BRINP1: variants seen among roughly 807,000 people sequenced by gnomAD.
BRINP1 encodes BMP/retinoic acid inducible neural specific 1.
BRINP1 carries 17 observed loss-of-function variants against 72.9 expected under a neutral mutation model. The ratio of observed to expected loss-of-function variants is 0.23; its 90% CI spans 0.16 to 0.35. The LOEUF (loss-of-function observed/expected upper bound fraction) is 0.35, where lower values mean the gene tolerates loss of function less well. BRINP1 is among the 10% of genes least tolerant of loss of function. The pLI, the probability that BRINP1 is intolerant of heterozygous loss-of-function variation, is 1.00. For synonymous variants in BRINP1, 418 were observed against 378.5 expected (o/e 1.10, Z -1.21); for missense variants, 850 against 1,001.6 (o/e 0.85, Z 2.04).
At chr9:119,212,105 A>G (rs1203852196) in intron 6 of BRINP1, among the ~76,000 whole-genome samples, 1 of 152,026 alleles carries the variant, frequency 6.6e-6, no homozygotes, top group Non-Finnish European at 1.5e-5. Context: ...GTACATTTCC[A>G]TCATGAACTT....
At chr9:119,200,811 C>A (rs931092843) in intron 7 of BRINP1, among the ~76,000 whole-genome samples, 1 of 151,722 alleles carries the variant, frequency 6.6e-6, no homozygotes, top group African/African-American at 2.4e-5. Context: ...AGCCTGAGAT[C>A]TGAAGGGCAG....
At chr9:119,324,542 C>T (rs1361415845) in intron 1 of BRINP1, among the ~76,000 whole-genome samples, 1 of 152,136 alleles carries the variant, frequency 6.6e-6, no homozygotes, top group Non-Finnish European at 1.5e-5. Flanking sequence ...AGCCACCCTA[C>T]AATGCTCAAT....
chr9:119,310,529 A>G (rs1831050769), intron 2 of BRINP1, among the ~76,000 whole-genome samples: 1 of 152,194 alleles, frequency 6.6e-6, no homozygotes, highest in African/African-American at 2.4e-5. Flanking sequence ...GAGAAAGAAG[A>G]TGGCCTTAAC....
chr9:119,293,537 T>A (rs188486397), intron 2 of BRINP1, among the ~76,000 whole-genome samples: 1 of 152,184 alleles, frequency 6.6e-6, no homozygotes, highest in East Asian at 1.9e-4. Flanking sequence ...TTAAAATGAG[T>A]AATGAAAGTC....
chr9:119,169,283 G>A (rs955039937), intron 7 of BRINP1, among the ~76,000 whole-genome samples: 1 of 152,246 alleles, frequency 6.6e-6, no homozygotes, highest in African/African-American at 2.4e-5. Context: ...CACCGTGCGC[G>A]AGCTGAAGCA....
At chr9:119,327,846 T>C (rs181246243) in intron 1 of BRINP1, among the ~76,000 whole-genome samples, 31 of 152,208 alleles carry the variant, frequency 2.0e-4, no homozygotes, top group African/African-American at 7.5e-4. Flanking sequence ...CTTGGATCTG[T>C]TGCATTTGAG....
At chr9:119,359,629 GCTTTCAACCTCTGTA>G (rs1235275797) in intron 1 of BRINP1, among the ~76,000 whole-genome samples, 1 of 152,140 alleles carries the variant, frequency 6.6e-6, no homozygotes, top group African/African-American at 2.4e-5. Flanking sequence ...GCAGACCCAA[GCTTTCAACCTCTGTA>G]CTTTCAAGTC....
At chr9:119,345,295 T>C (rs1199483099) in intron 1 of BRINP1, among the ~76,000 whole-genome samples, 1 of 152,202 alleles carries the variant, frequency 6.6e-6, no homozygotes, top group Non-Finnish European at 1.5e-5. Flanking sequence ...AACTCCCTTG[T>C]GATAAGAAGG....
At chr9:119,329,300 T>G (rs546452286) in intron 1 of BRINP1, among the ~76,000 whole-genome samples, 3 of 152,254 alleles carry the variant, frequency 2.0e-5, no homozygotes, top group Non-Finnish European at 4.4e-5. Context: ...TGAAATCAGG[T>G]GAAAAGTTCT....
chr9:119,319,132 C>G (rs1164781977), intron 1 of BRINP1, among the ~76,000 whole-genome samples: 1 of 152,018 alleles, frequency 6.6e-6, no homozygotes, highest in Non-Finnish European at 1.5e-5. Flanking sequence ...GTTGAGAAAC[C>G]CTGCTCTAAT....
intron 1 of BRINP1, among the ~76,000 whole-genome samples, chr9:119,365,846 C>T (rs1014074573): frequency 6.6e-6 from 1 of 152,016 alleles, no homozygotes; most frequent in African/African-American, 2.4e-5. Context: ...CACAGCTCCC[C>T]CTTCTGGGAG....
At position 119,197,616 on chromosome 9, in the gene BRINP1, A is replaced by G. The variant is rs368645978; in HGVS notation, c.1145+11103T>C. Among the ~76,000 whole-genome samples the G allele has an allele frequency of 8.5e-5, 13 of 152,322 alleles. 1 individual carries two copies. Among genetic ancestry groups the G allele is most frequent in the African/African-American group, 3.1e-4 (13 of 41,580 alleles). ...TCTCATAATTGACCTCCATGAAGTAACTTTGGGAAAATGACTCTTCCTCCC... is the reference window on the plus strand; with the variant it reads ...TCTCATAATTGACCTCCATGAAGTAGCTTTGGGAAAATGACTCTTCCTCCC... On this transcript the variant is annotated intron_variant, in intron 7 of 7. Coordinates refer to ENST00000265922, the MANE Select transcript of BRINP1 (RefSeq NM_014618.3).
intron 7 of BRINP1, among the ~76,000 whole-genome samples, chr9:119,169,797 C>A (rs943425917): frequency 6.6e-6 from 1 of 152,222 alleles, no homozygotes; most frequent in Admixed American, 6.5e-5. Context: ...AACGGGCAGA[C>A]TGCCTCCTCA....
rs989331180 is a variant in BRINP1 at position 119,289,440 on chromosome 9, G to A, written c.218+23698C>T. ...GAGATCAGTTAACTCTGGCTGTTCC[G>A]TGAAAGGAGGAGGCCTGATTAGGAA... On this transcript the variant is annotated intron_variant, in intron 2 of 7. Coordinates refer to ENST00000265922, the MANE Select transcript of BRINP1 (RefSeq NM_014618.3). Among the ~76,000 whole-genome samples the A allele has an allele frequency of 8.5e-5, 13 of 152,154 alleles. No homozygotes were observed. The East Asian group carries it at 1.2e-3, about 14-fold the overall frequency.
chr9:119,245,264 A>G (rs765856165), intron 3 of BRINP1, among the ~76,000 whole-genome samples: 8 of 152,224 alleles, frequency 5.3e-5, no homozygotes, highest in Non-Finnish European at 1.0e-4. Flanking sequence ...CGTGTGTGCA[A>G]TGTGCATGAA....
chr9:119,307,112 C>T (rs1056441701), intron 2 of BRINP1, among the ~76,000 whole-genome samples: 5 of 151,688 alleles, frequency 3.3e-5, no homozygotes, highest in Admixed American at 6.6e-5. Flanking sequence ...AGGTATTTAG[C>T]GGCATCCCAG....
rs1554752344 is a variant in BRINP1 at position 119,268,285 on chromosome 9, T to TAGATAGATAGATAGATAGACAGAC, written c.219-19136_219-19135insGTCTGTCTATCTATCTATCTATCT. 9.6e-4 allele frequency among the ~76,000 whole-genome samples: 142 copies of TAGATAGATAGATAGATAGACAGAC among 148,620 alleles called. 2 individuals are homozygous for TAGATAGATAGATAGATAGACAGAC. The highest frequency in any genetic ancestry group is 1.9e-3 in the Admixed American group (29 of 14,980). On this transcript the variant is annotated intron_variant, in intron 2 of 7. Coordinates refer to ENST00000265922, the MANE Select transcript of BRINP1 (RefSeq NM_014618.3). ...ATAGATAGATAGATAGATAGATAGA[T>TAGATAGATAGATAGATAGACAGAC]AGATAGATAGATAGATAAAAGTGTT...
chr9:119,180,786 T>C (rs548152926), intron 7 of BRINP1, among the ~76,000 whole-genome samples: 6 of 152,264 alleles, frequency 3.9e-5, no homozygotes, highest in Non-Finnish European at 8.8e-5. Flanking sequence ...TAGCTCATAA[T>C]AATAAGGAAG....
intron 1 of BRINP1, among the ~76,000 whole-genome samples, chr9:119,339,286 C>A (rs1159446486): frequency 6.6e-6 from 1 of 152,196 alleles, no homozygotes; most frequent in Non-Finnish European, 1.5e-5. Flanking sequence ...AGACTGGGAG[C>A]GGGCCAGATT....
Sources: allele counts gnomAD v4.1 joint callset (sites outside exome capture counted in the v4.1 genomes callset), GRCh38; gene constraint gnomAD v4.1.1; transcripts MANE v1.5; gene names NCBI Gene and HGNC (gene_info 2026-07-23, HGNC 2026-07-21).